The following TCF12 variants were observed in gnomAD, a reference collection of about 807,000 sequenced individuals.
TCF12 encodes transcription factor 12.
In TCF12, 45 loss-of-function variants were observed where a neutral mutation model predicts 86.0. The observed-to-expected ratio is 0.52, with a 90% CI of 0.41 to 0.67. TCF12 has a LOEUF of 0.67. Ranked by LOEUF, TCF12 falls within the 30% of genes least tolerant of loss-of-function variation. The pLI, the probability that TCF12 is intolerant of heterozygous loss-of-function variation, is 0.00. For missense variants in TCF12, 881 were observed against 859.9 expected (o/e 1.02, Z -0.31); for synonymous variants, 330 against 299.6 (o/e 1.10, Z -1.05).
At chr15:57,251,682 A>G (rs2060124732) in intron 14 of TCF12, among the ~76,000 whole-genome samples, 1 of 152,226 alleles carries the variant, frequency 6.6e-6, no homozygotes, top group Admixed American at 6.5e-5. Flanking sequence ...TGACAAATCT[A>G]GGGCTTAATC....
intron 6 of TCF12, among the ~76,000 whole-genome samples, chr15:57,167,653 T>A (rs2055001868): frequency 6.6e-6 from 1 of 151,984 alleles, no homozygotes; most frequent in Non-Finnish European, 1.5e-5. Flanking sequence ...ATTGTAAAAA[T>A]TCAGGATCAT....
chr15:57,029,474 A>G (rs1222128388), intron 3 of TCF12, among the ~76,000 whole-genome samples: 1 of 152,192 alleles, frequency 6.6e-6, no homozygotes, highest in Admixed American at 6.5e-5. Context: ...GATTGGAATT[A>G]CATCGATTAT....
chr15:57,183,466 T>C (rs1245590831), intron 6 of TCF12, among the ~76,000 whole-genome samples: 1 of 152,152 alleles, frequency 6.6e-6, no homozygotes, highest in Non-Finnish European at 1.5e-5. Flanking sequence ...GATCTGTCAT[T>C]TCTGCCCCTA....
chr15:57,277,137 A>G (rs143517157), intron 19 of TCF12, among the ~76,000 whole-genome samples: 135 of 152,270 alleles, frequency 8.9e-4, no homozygotes, highest in Non-Finnish European at 1.8e-3. Flanking sequence ...ACCTTGCCAG[A>G]CAATTAATCA....
chr15:57,223,359 A>G (rs905004217), intron 8 of TCF12, among the ~76,000 whole-genome samples: 2 of 152,040 alleles, frequency 1.3e-5, no homozygotes, highest in African/African-American at 4.8e-5. Context: ...ATTGGATCCA[A>G]TGTGTATTTG....
chr15:57,158,196 T>TTTTTTTTTC (rs1359890664), intron 5 of TCF12, among the ~76,000 whole-genome samples: 1 of 151,124 alleles, frequency 6.6e-6, no homozygotes, highest in Non-Finnish European at 1.5e-5. Context: ...TTCTTTTTTT[T>TTTTTTTTTC]TTTTTTCTTT....
chr15:57,284,695 G>C (rs927665635), intron 20 of TCF12, among the ~76,000 whole-genome samples: 17 of 152,226 alleles, frequency 1.1e-4, no homozygotes. Context: ...TTCTCTTGGA[G>C]CCTGTGTCTT....
chr15:57,281,375 A>G (rs973542774), intron 19 of TCF12, among the ~76,000 whole-genome samples: 9 of 152,204 alleles, frequency 5.9e-5, no homozygotes, highest in Admixed American at 4.6e-4. Context: ...TCACATACAT[A>G]TCAAAGTAGA....
chr15:57,026,576 C>G (rs924730232), intron 3 of TCF12, among the ~76,000 whole-genome samples: 1 of 152,200 alleles, frequency 6.6e-6, no homozygotes, highest in Non-Finnish European at 1.5e-5. Flanking sequence ...AAGGGAAAAA[C>G]ATTCAACTCA....
chr15:57,042,150 GCCTTGTTGC>G (rs1204595106), intron 3 of TCF12, among the ~76,000 whole-genome samples: 1 of 151,260 alleles, frequency 6.6e-6, no homozygotes, highest in Non-Finnish European at 1.5e-5. Flanking sequence ...ATGGAGTTTT[GCCTTGTTGC>G]CCAGGCTGGA....
At chr15:57,139,935 T>C (rs937287286) in intron 5 of TCF12, among the ~76,000 whole-genome samples, 1 of 152,338 alleles carries the variant, frequency 6.6e-6, no homozygotes, top group African/African-American at 2.4e-5. Context: ...ATTTGGAGTA[T>C]AGTAGATGCC....
At chr15:57,015,431 A>G (rs2065096753) in intron 3 of TCF12, among the ~76,000 whole-genome samples, 1 of 152,240 alleles carries the variant, frequency 6.6e-6, no homozygotes, top group South Asian at 2.1e-4. Flanking sequence ...CCTTCCATGC[A>G]AAATAGCTGT....
At chr15:57,227,524 C>A (rs1326964527) in intron 8 of TCF12, among the ~76,000 whole-genome samples, 1 of 152,114 alleles carries the variant, frequency 6.6e-6, no homozygotes, top group African/African-American at 2.4e-5. Context: ...AAATATTCAT[C>A]CCAAAGTATA....
chr15:57,248,173 G>T (rs369037893), intron 13 of TCF12: 2 of 694,272 alleles, frequency 2.9e-6, no homozygotes, highest in African/African-American at 3.5e-5. Flanking sequence ...TTCCCCTTAC[G>T]TCTTATTGGC....
intron 5 of TCF12, among the ~76,000 whole-genome samples, chr15:57,106,485 A>G (rs1360793409): frequency 6.6e-6 from 1 of 152,250 alleles, no homozygotes; most frequent in Admixed American, 6.5e-5. Context: ...TATACAAGAA[A>G]TTGCCAACAA....
intron 3 of TCF12, among the ~76,000 whole-genome samples, chr15:56,965,515 A>C (rs937928995): frequency 1.1e-4 from 17 of 152,190 alleles, no homozygotes; most frequent in African/African-American, 4.1e-4. Context: ...TGCTGAATCA[A>C]ATATTTTTAG....
At chr15:57,216,686 C>G (rs577536121) in intron 8 of TCF12, among the ~76,000 whole-genome samples, 1 of 151,700 alleles carries the variant, frequency 6.6e-6, no homozygotes, top group Non-Finnish European at 1.5e-5. Context: ...TGTGCTACAG[C>G]TGTTGCATAG....
At position 57,266,527 on chromosome 15, in the gene TCF12, C is replaced by T. The variant is rs1803836905; in HGVS notation, c.1745+3253C>T. On this transcript the variant is annotated intron_variant, in intron 18 of 20. Coordinates refer to ENST00000333725, the MANE Select transcript of TCF12 (RefSeq NM_207037.2). ...GAGCTGAAAATATTTACCATCTGGTCCTTCAGAAAAAATGTTTCTTTTTAA... is the reference window on the plus strand; with the variant it reads ...GAGCTGAAAATATTTACCATCTGGTTCTTCAGAAAAAATGTTTCTTTTTAA... 2.6e-5 allele frequency among the ~76,000 whole-genome samples: 4 copies of T among 151,878 alleles called. No homozygotes were observed. The South Asian group carries it at 8.3e-4, about 32-fold the overall frequency.
At chr15:57,162,041 ACACT>A (rs1172858666) in intron 5 of TCF12, among the ~76,000 whole-genome samples, 2 of 152,166 alleles carry the variant, frequency 1.3e-5, no homozygotes, top group Non-Finnish European at 2.9e-5. Flanking sequence ...ATACCTATAC[ACACT>A]CACACCCCCG....
Sources: allele counts gnomAD v4.1 joint callset (sites outside exome capture counted in the v4.1 genomes callset), GRCh38; gene constraint gnomAD v4.1.1; transcripts MANE v1.5; gene names NCBI Gene and HGNC (gene_info 2026-07-23, HGNC 2026-07-21).